Variants in NMI observed in about 807,000 individuals in gnomAD.
NMI encodes the protein N-myc and STAT interactor, also known as N-myc-interactor.
A neutral mutation model predicts 34.3 loss-of-function variants in NMI; 39 were observed. The observed-to-expected ratio is 1.14, with a 90% confidence interval of 0.88 to 1.49. The LOEUF (loss-of-function observed/expected upper bound fraction) is 1.49, where lower values mean the gene tolerates loss of function less well. Ranked by LOEUF, NMI falls within the 40% of genes most tolerant of loss-of-function variation. NMI has a pLI of 0.00. For missense variants in NMI, 339 were observed against 358.1 expected (o/e 0.95, Z 0.43); for synonymous variants, 113 against 120.3 (o/e 0.94, Z 0.40).
chr2:151,280,486 A>G (rs1380102560), intron 3 of NMI, among the ~76,000 whole-genome samples: 2 of 152,250 alleles, frequency 1.3e-5, no homozygotes, highest in African/African-American at 4.8e-5. Flanking sequence ...TGTCTGAGTA[A>G]AGGCAGAGTG....
At chr2:151,279,701 C>A (rs1046755941) in intron 3 of NMI, among the ~76,000 whole-genome samples, 5 of 152,074 alleles carry the variant, frequency 3.3e-5, no homozygotes, top group African/African-American at 1.2e-4. Context: ...CCAGGATGGT[C>A]TCTTGACCTC....
At chr2:151,275,282 C>T (rs563576058) in intron 6 of NMI, among the ~76,000 whole-genome samples, 61 of 152,284 alleles carry the variant, frequency 4.0e-4, no homozygotes, top group African/African-American at 1.4e-3. Context: ...TGCACCCTGC[C>T]TATTTGTAGC....
rs749149595 is a variant in NMI at position 151,279,023 on chromosome 2, A to G, written c.178-33T>C. On this transcript the variant is annotated intron_variant, in intron 3 of 7. Transcript: ENST00000243346. ...AAATGAAAATGTTTGATTAAAATCAAGACGAGAAATAACTTAAGTCCTTCC... is the reference window on the plus strand; with the variant it reads ...AAATGAAAATGTTTGATTAAAATCAGGACGAGAAATAACTTAAGTCCTTCC... 6 of 1,450,450 alleles carry G rather than the reference A, an allele frequency of 4.1e-6. No individual in the cohort carries two copies. In the Admixed American group the frequency reaches 1.1e-4, roughly 27 times the overall value. 89.8% of individuals were successfully genotyped at this position (1,450,450 alleles called of 1,614,324 possible).
chr2:151,276,440 A>T (rs1683294627), intron 4 of NMI, among the ~76,000 whole-genome samples: 1 of 152,200 alleles, frequency 6.6e-6, no homozygotes, highest in South Asian at 2.1e-4. Context: ...TTCTCATAAG[A>T]TGAATCTTTT....
chr2:151,289,084 A>G (rs999851743), intron 1 of NMI: 3 of 146,052 alleles, frequency 2.1e-5, no homozygotes, highest in African/African-American at 8.4e-5. Context: ...TCTACTAAAA[A>G]TACAAAAAAA....
rs1683409195 is a variant in NMI at position 151,281,746 on chromosome 2, C to A, written c.177+202G>T. Reference sequence around the variant, plus strand: ...TTCATTCTCATTGCTGTGTAGTTTTCTATCATATGACTATACCCCAATTCA... The same window carrying A: ...TTCATTCTCATTGCTGTGTAGTTTTATATCATATGACTATACCCCAATTCA... On this transcript the variant is annotated intron_variant, in intron 3 of 7. Coordinates refer to ENST00000243346, the MANE Select transcript of NMI (RefSeq NM_004688.3). Among the ~76,000 whole-genome samples the A allele has an allele frequency of 2.6e-5, 4 of 152,268 alleles. 1 individual carries two copies. In the South Asian group the frequency reaches 8.3e-4, roughly 32 times the overall value.
At chr2:151,278,720 T>A in intron 4 of NMI, 108 bp downstream of exon 4, 1 of 860,732 alleles carries the variant, frequency 1.2e-6, no homozygotes, top group Non-Finnish European at 1.8e-6. Flanking sequence ...AACGTCACTA[T>A]GAGGATAAGA....
chr2:151,278,994 A>C lies in NMI; in HGVS notation c.178-4T>G. 6.4e-7 allele frequency: 1 copy of C among 1,562,724 alleles called. No homozygotes were observed. Among genetic ancestry groups the C allele is most frequent in the Non-Finnish European group, 8.8e-7 (1 of 1,140,658 alleles). The stretch of plus-strand genomic sequence containing the variant: ...TTTCAGGAATATCCTCTTTAATCTA[A>C]TCCAAATGAAAATGTTTGATTAAAA... On this transcript the variant is annotated splice_region_variant and splice_polypyrimidine_tract_variant and intron_variant, in intron 3 of 7. Coordinates refer to ENST00000243346, the MANE Select transcript of NMI (RefSeq NM_004688.3).
At chr2:151,288,307 G>A (rs914689382) in intron 1 of NMI, among the ~76,000 whole-genome samples, 1 of 152,344 alleles carries the variant, frequency 6.6e-6, no homozygotes, top group South Asian at 2.1e-4. Flanking sequence ...CTACTTAAAA[G>A]TGAAAGCGGA....
At position 151,278,902 on chromosome 2, in the gene NMI, G is replaced by C. The variant is rs753174267; in HGVS notation, c.266C>G (p.Ser89Trp). 6.2e-7 allele frequency: 1 copy of C among 1,612,744 alleles called. No individual in the cohort carries two copies. The highest frequency in any genetic ancestry group is 1.1e-5 in the South Asian group (1 of 91,026). The stretch of plus-strand genomic sequence containing the variant: ...AGGAACTTTCGAGCTCACTTGAAAC[G>C]AACAGGAGATATTTGACAACTGGCT... ...NDSQLSNISC[S>W]FQVSSKVPYE... is the part of the protein sequence containing the mutation. The change falls in exon 4 of 8, where the codon TCG becomes TGG. Residue 89 changes from serine (S) to tryptophan (W), a missense_variant. Transcript: ENST00000243346.
chr2:151,275,545 C>T lies in NMI; in HGVS notation c.573G>A (p.Val191=). Residue 191 remains valine, a synonymous_variant, in exon 6 of 8, where the codon GTG becomes GTA. Transcript: ENST00000243346. ...ACTGTCTGTCATAGTCCACGCGGTC[C>T]ACCTCTCCGCCTCCATTTCGGGACT... ...FSKSRNGGGE[V]DRVDYDRQSG... 2.5e-6 allele frequency: 4 copies of T among 1,614,170 alleles called. No homozygotes were observed. In the East Asian group the frequency reaches 8.9e-5, roughly 36 times the overall value.
chr2:151,281,463 T>C (rs555661834), intron 3 of NMI, among the ~76,000 whole-genome samples: 82 of 152,326 alleles, frequency 5.4e-4, no homozygotes, highest in Middle Eastern at 3.4e-3. Context: ...TATCATTAAG[T>C]ACAGCAAGAT....
In NMI at chr2:151,270,647, C is replaced by T. The variant is rs3771884; in HGVS notation, c.*46G>A. ...CATATTCATTTTTGTCAAACATTTA[C>T]AGTAATCCGGGTTAAAAAGCTATAG... On this transcript the variant is annotated 3_prime_UTR_variant, in exon 8 of 8. Coordinates refer to ENST00000243346, the MANE Select transcript of NMI (RefSeq NM_004688.3). 21,808 of 1,437,508 alleles carry T rather than the reference C, an allele frequency of 0.015. 1,310 individuals are homozygous for T. The African/African-American group carries it at 0.18, about 12-fold the overall frequency. 89.0% of individuals were successfully genotyped at this position (1,437,508 alleles called of 1,614,324 possible). A position where few individuals can be genotyped will look rare whatever the true frequency, so the allele number is the denominator to read the frequency against.
chr2:151,281,865 ATGAATTT>A, intron 3 of NMI, 76 bp downstream of exon 3: 1 of 743,620 alleles, frequency 1.3e-6, no homozygotes, highest in South Asian at 1.6e-5. Context: ...GGTTTTAAAA[ATGAATTT>A]TGTGTAATTA....
At chr2:151,288,145 T>G (rs1035671825) in intron 1 of NMI, among the ~76,000 whole-genome samples, 3 of 152,212 alleles carry the variant, frequency 2.0e-5, no homozygotes, top group African/African-American at 7.2e-5. Context: ...CTCAAAGATG[T>G]CCACATCTTA....
At chr2:151,275,352 AG>A in intron 6 of NMI, 131 bp downstream of exon 6, 1 of 783,182 alleles carries the variant, frequency 1.3e-6, no homozygotes, top group Non-Finnish European at 2.0e-6. Context: ...CTATTTTATA[AG>A]GTTTTTTAAA....
rs1348079025 is a variant in NMI at position 151,275,338 on chromosome 2, TCTA to T, written c.634+143_634+145del. ...TGTCCCTGGAAATAATTTCCTACAC[TCTA>T]CTATTTTATAAGGTTTTTTAAAATC... On this transcript the variant is annotated intron_variant, in intron 6 of 7. Coordinates refer to ENST00000243346, the MANE Select transcript of NMI (RefSeq NM_004688.3). 2.7e-5 allele frequency: 19 copies of T among 716,374 alleles called. No individual in the cohort carries two copies. The Admixed American group carries it at 5.5e-4, about 21-fold the overall frequency. 44.4% of individuals were successfully genotyped at this position (716,374 alleles called of 1,614,324 possible).
rs1242544019 is a variant in NMI, at chr2:151,275,574, A to G, written c.544T>C (p.Ser182Pro). The change falls in exon 6 of 8, where the codon TCA becomes CCA. Residue 182 changes from serine to proline, a missense_variant. Physicochemically the swap from Ser to Pro is moderately conservative, Grantham distance 74. Transcript: ENST00000243346. ...TCTCCGCCTCCATTTCGGGACTTTG[A>G]AAAGCTCAGCTCTAGTTTGTCTCTC... Reference protein sequence around the residue: ...QMRDKLELSFSKSRNGGGEVD... With the variant: ...QMRDKLELSFPKSRNGGGEVD... 1 of 1,614,210 alleles carries G rather than the reference A, an allele frequency of 6.2e-7. No individual in the cohort carries two copies. The highest frequency in any genetic ancestry group is 8.5e-7 in the Non-Finnish European group (1 of 1,180,022).
chr2:151,275,427 C>T, intron 6 of NMI, 57 bp downstream of exon 6: 1 of 1,452,494 alleles, frequency 6.9e-7, no homozygotes, highest in Non-Finnish European at 9.6e-7. Flanking sequence ...CTTTCAGAAA[C>T]AACAGAACAT....
Sources: allele counts gnomAD v4.1 joint callset (sites outside exome capture counted in the v4.1 genomes callset), GRCh38; gene constraint gnomAD v4.1.1; transcripts MANE v1.5; gene names NCBI Gene and HGNC (gene_info 2026-07-23, HGNC 2026-07-21).